EPHA6: variants seen among roughly 807,000 people sequenced by gnomAD.
EPHA6 encodes EPH receptor A6, also known as ephrin type-A receptor 6.
In EPHA6, 50 loss-of-function variants were observed where a neutral mutation model predicts 112.0. That is an observed-to-expected ratio of 0.45 (90% confidence interval 0.36 to 0.56). EPHA6 has a LOEUF of 0.56. EPHA6 is among the 20% of genes least tolerant of loss of function. EPHA6 has a pLI of 0.00. For synonymous variants in EPHA6, 529 were observed against 490.7 expected, an observed-to-expected ratio of 1.08 and a Z score of -1.03; for missense variants, 1,280 against 1,417.4, an observed-to-expected ratio of 0.90 and a Z score of 1.56.
At chr3:97,555,263 T>A (rs113345393) in intron 11 of EPHA6, among the ~76,000 whole-genome samples, 1,952 of 152,230 alleles carry the variant, frequency 0.013, 31 homozygotes, top group Non-Finnish European at 0.019. Context: ...CATGAACTCA[T>A]CATTTTTATG....
At chr3:97,719,088 A>ACCC (rs1309685748) in intron 14 of EPHA6, among the ~76,000 whole-genome samples, 1 of 73,098 alleles carries the variant, frequency 1.4e-5, no homozygotes, top group Non-Finnish European at 2.6e-5. Context: ...CGCCCCCCCC[A>ACCC]CCCCCCCCCC....
intron 3 of EPHA6, among the ~76,000 whole-genome samples, chr3:97,105,754 T>C (rs899619338): frequency 1.3e-5 from 2 of 152,176 alleles, no homozygotes; most frequent in African/African-American, 4.8e-5. Flanking sequence ...CAGTGGAATG[T>C]TGAAATCTCT....
intron 5 of EPHA6, among the ~76,000 whole-genome samples, chr3:97,276,257 G>C (rs2080075957): frequency 6.6e-6 from 1 of 152,168 alleles, no homozygotes; most frequent in Non-Finnish European, 1.5e-5. Flanking sequence ...GCCTCTAAGT[G>C]GAGAAGATCT....
chr3:97,673,988 C>G (rs2031115164), intron 14 of EPHA6, among the ~76,000 whole-genome samples: 1 of 152,006 alleles, frequency 6.6e-6, no homozygotes, highest in Admixed American at 6.5e-5. Flanking sequence ...AAAAAGATTC[C>G]AGAGGAAAAA....
At chr3:97,143,153 T>G (rs1236053939) in intron 3 of EPHA6, among the ~76,000 whole-genome samples, 1 of 151,424 alleles carries the variant, frequency 6.6e-6, no homozygotes, top group African/African-American at 2.4e-5. Context: ...TAACACAATC[T>G]CATTAACAAT....
intron 3 of EPHA6, among the ~76,000 whole-genome samples, chr3:97,077,525 A>G (rs191825494): frequency 2.0e-5 from 3 of 152,032 alleles, no homozygotes; most frequent in Admixed American, 2.0e-4. Flanking sequence ...TTCTCCCAGT[A>G]CTATCCCTGC....
chr3:97,022,242 A>G (rs1243499209), intron 3 of EPHA6, among the ~76,000 whole-genome samples: 1 of 152,148 alleles, frequency 6.6e-6, no homozygotes, highest in Non-Finnish European at 1.5e-5. Flanking sequence ...TGGTGTCTTG[A>G]GGAGTTACAA....
chr3:97,272,794 C>T (rs562020314), intron 5 of EPHA6, among the ~76,000 whole-genome samples: 18 of 152,050 alleles, frequency 1.2e-4, no homozygotes, highest in South Asian at 4.2e-4. Flanking sequence ...AGGCAGGAAC[C>T]GGCCATCTGG....
rs115230114 is a variant in EPHA6 at position 97,356,768 on chromosome 3, A to G, written c.1607-48382A>G. Among the ~76,000 whole-genome samples, 792 of 152,128 alleles carry G rather than the reference A, an allele frequency of 5.2e-3. 4 individuals are homozygous for G. The highest frequency in any genetic ancestry group is 0.016 in the African/African-American group (671 of 41,502). ...CCAGCTGCACTTGAGACAATTTTAT[A>G]TGCTCCTGTTGTTGCTTACATCTGT... is the stretch of plus-strand genomic sequence containing the variant. On this transcript the variant is annotated intron_variant, in intron 5 of 17. Transcript: ENST00000389672.
At chr3:97,655,836 A>G (rs915205130) in intron 14 of EPHA6, among the ~76,000 whole-genome samples, 6 of 151,812 alleles carry the variant, frequency 4.0e-5, no homozygotes, top group Non-Finnish European at 7.4e-5. Flanking sequence ...CAGCACACCA[A>G]CATGGCACAT....
At chr3:97,064,316 G>T (rs773837921) in intron 3 of EPHA6, among the ~76,000 whole-genome samples, 1 of 152,094 alleles carries the variant, frequency 6.6e-6, no homozygotes, top group Non-Finnish European at 1.5e-5. Context: ...ATGATTACAC[G>T]TGTGCTCCTG....
At chr3:97,209,311 A>G (rs1031150947) in intron 3 of EPHA6, among the ~76,000 whole-genome samples, 2 of 152,002 alleles carry the variant, frequency 1.3e-5, no homozygotes, top group Admixed American at 6.6e-5. Context: ...ACACACACAC[A>G]AACACACACA....
intron 11 of EPHA6, among the ~76,000 whole-genome samples, chr3:97,577,265 A>C (rs1190292291): frequency 6.6e-6 from 1 of 152,234 alleles, no homozygotes. Context: ...ATAAAATTGC[A>C]AAGGAAGAAA....
At chr3:97,133,057 T>G (rs2075676463) in intron 3 of EPHA6, among the ~76,000 whole-genome samples, 2 of 152,010 alleles carry the variant, frequency 1.3e-5, no homozygotes, top group Admixed American at 1.3e-4. Flanking sequence ...AATGACAGAA[T>G]GGAAAGTAAA....
chr3:97,217,058 T>C (rs1471154734), intron 3 of EPHA6, among the ~76,000 whole-genome samples: 4 of 152,180 alleles, frequency 2.6e-5, no homozygotes, highest in African/African-American at 4.8e-5. Flanking sequence ...AGGAAAGCCC[T>C]ACAATTTCCC....
chr3:97,453,946 A>T (rs1243485098), intron 7 of EPHA6, among the ~76,000 whole-genome samples: 1 of 151,736 alleles, frequency 6.6e-6, no homozygotes. Context: ...ATAGAATGTG[A>T]ATTTCTCAGC....
intron 5 of EPHA6, among the ~76,000 whole-genome samples, chr3:97,389,352 C>T (rs1193862436): frequency 6.6e-6 from 1 of 152,066 alleles, no homozygotes; most frequent in East Asian, 1.9e-4. Context: ...TGCTGGTCAG[C>T]ATTGCACATG....
At chr3:97,348,014 A>G (rs1471933119) in intron 5 of EPHA6, among the ~76,000 whole-genome samples, 1 of 152,098 alleles carries the variant, frequency 6.6e-6, no homozygotes, top group Admixed American at 6.6e-5. Flanking sequence ...TAATGCACTT[A>G]TAAACATTTC....
At chr3:96,968,602 G>A (rs528923116) in intron 2 of EPHA6, among the ~76,000 whole-genome samples, 1 of 151,716 alleles carries the variant, frequency 6.6e-6, no homozygotes, top group African/African-American at 2.4e-5. Context: ...AAGTACATTG[G>A]ATCCATATAA....
Sources: gnomAD v4.1 joint callset for allele counts (sites outside exome capture counted in the v4.1 genomes callset) on GRCh38, gnomAD v4.1.1 for gene constraint, MANE v1.5 for transcripts, NCBI Gene and HGNC (gene_info 2026-07-23, HGNC 2026-07-21) for gene names.